ANK1: variants seen among roughly 807,000 people sequenced by gnomAD.
ANK1 encodes the protein ankyrin-1.
Under a neutral mutation model 210.4 loss-of-function variants are expected in ANK1, and 51 were observed. That is an observed-to-expected ratio of 0.24 (90% confidence interval 0.19 to 0.31). The LOEUF is 0.31. Ranked by LOEUF, ANK1 falls within the 10% of genes least tolerant of loss-of-function variation. The pLI is 1.00. For synonymous variants in ANK1, 967 were observed against 1,025.9 expected (o/e 0.94, Z 1.10); for missense variants, 2,051 against 2,504.4 (o/e 0.82, Z 3.86).
intron 20 of ANK1, among the ~76,000 whole-genome samples, chr8:41,703,400 A>ATGTGTGTGTGTG (rs1199694080): frequency 1.4e-5 from 1 of 73,840 alleles, no homozygotes; most frequent in Non-Finnish European, 2.7e-5. Context: ...ATATATGTAT[A>ATGTGTGTGTGTG]TGTGTGTGTG....
chr8:41,699,787 C>G (rs1822186035), intron 22 of ANK1, among the ~76,000 whole-genome samples: 1 of 152,132 alleles, frequency 6.6e-6, no homozygotes, highest in South Asian at 2.1e-4. Flanking sequence ...TGCAGGAGGC[C>G]AAAGACACAG....
rs1343805068 is a variant in ANK1 at position 41,714,080 on chromosome 8, C to T, written c.1800+76G>A. On this transcript the variant is annotated intron_variant, in intron 16 of 42. Coordinates refer to ENST00000289734, the MANE Select transcript of ANK1 (RefSeq NM_000037.4). Reference sequence around the variant, plus strand: ...CAAAACCCTTGGGCTGCTGTGGAAACCCCCCTCCCTGAGGGACTGGAAGGT... The same window carrying T: ...CAAAACCCTTGGGCTGCTGTGGAAATCCCCCTCCCTGAGGGACTGGAAGGT... The T allele has an allele frequency of 7.4e-6, 8 of 1,083,778 alleles. No individual in the cohort carries two copies. The South Asian group carries it at 1.3e-4, about 17-fold the overall frequency. The allele number at this position is 1,083,778 out of a possible 1,614,324, so 67.1% of individuals were successfully genotyped here.
At chr8:41,759,874 G>A (rs1435978122) in intron 1 of ANK1, among the ~76,000 whole-genome samples, 1 of 152,202 alleles carries the variant, frequency 6.6e-6, no homozygotes, top group African/African-American at 2.4e-5. Flanking sequence ...ACAGAGAGCA[G>A]AAGTGCCTTG....
At chr8:41,762,638 G>T (rs1404329010) in intron 1 of ANK1, among the ~76,000 whole-genome samples, 2 of 152,200 alleles carry the variant, frequency 1.3e-5, no homozygotes, top group Admixed American at 1.3e-4. Flanking sequence ...CCAGGCATGA[G>T]CTGGGTTTCC....
intron 10 of ANK1, 150 bp from the exon 11 acceptor site, chr8:41,718,354 G>T: frequency 1.4e-6 from 1 of 712,210 alleles, no homozygotes. Context: ...AATGCCAATT[G>T]ATTAGTCTTA....
intron 1 of ANK1, among the ~76,000 whole-genome samples, chr8:41,883,049 G>A (rs149438553): frequency 6.6e-6 from 1 of 151,836 alleles, no homozygotes; most frequent in Non-Finnish European, 1.5e-5. Flanking sequence ...AGAGTCACAG[G>A]GTTGCCTGAT....
chr8:41,873,358 CA>C (rs1815926945), intron 1 of ANK1, among the ~76,000 whole-genome samples: 1 of 152,230 alleles, frequency 6.6e-6, no homozygotes, highest in African/African-American at 2.4e-5. Context: ...TCACTTTCCT[CA>C]CTTGCACACT....
At chr8:41,723,349 G>A (rs549318133) in intron 8 of ANK1, 126 bp from the exon 9 acceptor site, 15 of 1,186,508 alleles carry the variant, frequency 1.3e-5, no homozygotes, top group Admixed American at 9.0e-5. Flanking sequence ...GCACCAGCTC[G>A]ACCTCAGCAC....
In ANK1 at chr8:41,704,986, G is replaced by T. The variant is rs951373835; in HGVS notation, c.2098-514C>A. Among the ~76,000 whole-genome samples, 1 of 152,300 alleles carries T rather than the reference G, an allele frequency of 6.6e-6. No homozygotes were observed. The highest frequency in any genetic ancestry group is 1.9e-4 in the East Asian group (1 of 5,168). On this transcript the variant is annotated intron_variant, in intron 18 of 42. Coordinates refer to ENST00000289734, the MANE Select transcript of ANK1 (RefSeq NM_000037.4). This position sits in a 1 kb window ranked among gnomAD's most constrained non-coding sequence, Gnocchi z 4.1. The stretch of plus-strand genomic sequence containing the variant: ...GACAACAGGTTTTTTCCATTAGAAA[G>T]CTGAAATCCCATTGAAAAACCCCCA...
intron 1 of ANK1, among the ~76,000 whole-genome samples, chr8:41,871,505 C>T (rs965308127): frequency 6.6e-5 from 10 of 152,254 alleles, no homozygotes; most frequent in Middle Eastern, 3.4e-3. Flanking sequence ...GAAATGCAGA[C>T]ACAGAGGCAG....
intron 1 of ANK1, among the ~76,000 whole-genome samples, chr8:41,774,357 G>A (rs1466893913): frequency 1.3e-5 from 2 of 152,234 alleles, no homozygotes; most frequent in East Asian, 1.9e-4. Context: ...TTGGAATCCA[G>A]TCAACTCAGA....
chr8:41,688,286 C>A (rs1818251640), intron 34 of ANK1, 56 bp from the exon 35 acceptor site: 3 of 1,579,306 alleles, frequency 1.9e-6, no homozygotes, highest in Middle Eastern at 3.4e-4. Context: ...AGTTGACAGG[C>A]CTGAGGACAC....
At chr8:41,669,682 T>G (rs1031692259) in intron 38 of ANK1, among the ~76,000 whole-genome samples, 1 of 152,142 alleles carries the variant, frequency 6.6e-6, no homozygotes, top group Admixed American at 6.5e-5. Context: ...TTACCCCACA[T>G]TGTATTTGTT....
At chr8:41,739,521 CTTTT>C (rs71239075) in intron 2 of ANK1, among the ~76,000 whole-genome samples, 7 of 116,114 alleles carry the variant, frequency 6.0e-5, no homozygotes, top group Admixed American at 9.0e-5. Flanking sequence ...TTTTTTCTTT[CTTTT>C]TTTTTTTTTT....
At chr8:41,842,366 G>A (rs1421979035) in intron 1 of ANK1, among the ~76,000 whole-genome samples, 7 of 152,170 alleles carry the variant, frequency 4.6e-5, no homozygotes, top group African/African-American at 1.4e-4. Flanking sequence ...GGTGGTGGGC[G>A]CCTATAATCC....
In ANK1 at chr8:41,695,276, G is replaced by C. The variant is rs777537481; in HGVS notation, c.3016C>G (p.Leu1006Val). The change falls in exon 27 of 43, where the codon CTC becomes GTC. Residue 1006 changes from leucine (L) to valine (V), a missense_variant. Coordinates refer to ENST00000289734, the MANE Select transcript of ANK1 (RefSeq NM_000037.4). ...CCGTTTTCGCTCCTCAGAACCACGA[G>C]CTCGCGGTCTCCACGGCCATGGGAG... Reference protein sequence around the residue: ...FASHGRGDRELVVLRSENGSV... With the variant: ...FASHGRGDREVVVLRSENGSV... 97 of 1,614,006 alleles carry C rather than the reference G, an allele frequency of 6.0e-5. No individual in the cohort carries two copies. The highest frequency in any genetic ancestry group is 1.7e-5 in the Non-Finnish European group (20 of 1,180,052).
chr8:41,817,722 T>A (rs1300479472), intron 1 of ANK1, among the ~76,000 whole-genome samples: 2 of 152,286 alleles, frequency 1.3e-5, no homozygotes, highest in South Asian at 2.1e-4. Flanking sequence ...AAGGAAAAAA[T>A]TCCTATCATG....
chr8:41,778,576 T>C (rs1489965513), intron 1 of ANK1, among the ~76,000 whole-genome samples: 1 of 152,216 alleles, frequency 6.6e-6, no homozygotes, highest in Non-Finnish European at 1.5e-5. Context: ...AGAGAACGTG[T>C]GGATCCAGAA....
chr8:41,806,662 T>C (rs910601094), intron 1 of ANK1, among the ~76,000 whole-genome samples: 2 of 152,162 alleles, frequency 1.3e-5, no homozygotes, highest in Admixed American at 6.5e-5. Flanking sequence ...CCATGATGGT[T>C]TGAGCCTGGA....
Sources: allele counts gnomAD v4.1 joint callset (sites outside exome capture counted in the v4.1 genomes callset), GRCh38; gene constraint gnomAD v4.1.1; non-coding constraint Gnocchi (gnomAD v3.1); transcripts MANE v1.5; gene names NCBI Gene and HGNC (gene_info 2026-07-23, HGNC 2026-07-21).